NSUN2: variants seen among roughly 807,000 people sequenced by gnomAD.
The protein encoded by NSUN2 is RNA cytosine C(5)-methyltransferase NSUN2.
In NSUN2, 63 loss-of-function variants were observed where a neutral mutation model predicts 92.7. The ratio of observed to expected loss-of-function variants is 0.68; its 90% CI spans 0.56 to 0.84. The LOEUF (loss-of-function observed/expected upper bound fraction) is 0.84. Among genes scored for constraint, NSUN2 ranks in the 40% least tolerant of loss-of-function variants. The pLI is 0.00. For synonymous variants in NSUN2, 356 were observed against 348.3 expected (o/e 1.02, Z -0.25); for missense variants, 989 against 964.9 (o/e 1.02, Z -0.33).
intron 3 of NSUN2, among the ~76,000 whole-genome samples, chr5:6,628,162 A>G (rs1278459223): frequency 6.6e-6 from 1 of 152,184 alleles, no homozygotes; most frequent in Non-Finnish European, 1.5e-5. Context: ...AGCCTGTCCA[A>G]CATGGCAAAA....
At chr5:6,600,534 A>T (rs768296634) in intron 18 of NSUN2, among the ~76,000 whole-genome samples, 3 of 151,936 alleles carry the variant, frequency 2.0e-5, no homozygotes, top group Non-Finnish European at 2.9e-5. Flanking sequence ...TCCTTCTCAA[A>T]CTTAACTTAC....
chr5:6,624,812 AAAATAG>A (rs1737584297), intron 4 of NSUN2, among the ~76,000 whole-genome samples: 1 of 63,480 alleles, frequency 1.6e-5, no homozygotes, highest in Non-Finnish European at 3.8e-5. Flanking sequence ...AGTAGTTTAG[AAAATAG>A]GAAGGACGAA....
intron 3 of NSUN2, among the ~76,000 whole-genome samples, chr5:6,630,086 A>T (rs1392263402): frequency 6.6e-6 from 1 of 152,194 alleles, no homozygotes; most frequent in East Asian, 1.9e-4. Flanking sequence ...AAACGACTTG[A>T]GCAAAGTCTA....
chr5:6,631,081 G>C (rs1010240523), intron 3 of NSUN2, among the ~76,000 whole-genome samples: 1 of 152,214 alleles, frequency 6.6e-6, no homozygotes, highest in African/African-American at 2.4e-5. Flanking sequence ...GCGACAGAGT[G>C]AGACTCCGTC....
intron 7 of NSUN2, among the ~76,000 whole-genome samples, chr5:6,618,566 A>G (rs1737310963): frequency 6.6e-6 from 1 of 152,244 alleles, no homozygotes. Flanking sequence ...CAGTTAATCA[A>G]CAATGGCATT....
chr5:6,605,906 A>C (rs6876067), intron 14 of NSUN2, among the ~76,000 whole-genome samples: 1 of 151,704 alleles, frequency 6.6e-6, no homozygotes, highest in Non-Finnish European at 1.5e-5. Flanking sequence ...CATTGGTCAG[A>C]CTGGTCTCAA....
chr5:6,611,169 A>C, intron 10 of NSUN2, 84 bp from the exon 11 acceptor site: 2 of 1,451,964 alleles, frequency 1.4e-6, no homozygotes, highest in Non-Finnish European at 1.9e-6. Context: ...CCATTCTCTC[A>C]AAGGTGACAA....
intron 3 of NSUN2, among the ~76,000 whole-genome samples, chr5:6,631,222 C>G (rs142471646): frequency 6.6e-6 from 1 of 152,294 alleles, no homozygotes; most frequent in East Asian, 1.9e-4. Flanking sequence ...GAAGGACTGG[C>G]GCCTCCGGAG....
chr5:6,626,548 C>T (rs556870258), intron 3 of NSUN2, among the ~76,000 whole-genome samples: 52 of 152,160 alleles, frequency 3.4e-4, no homozygotes, highest in Non-Finnish European at 5.0e-4. Flanking sequence ...GTGGTTTTGC[C>T]GTGTTGGCCA....
At chr5:6,606,758 G>C in intron 14 of NSUN2, 62 bp downstream of exon 14, 2 of 902,316 alleles carry the variant, frequency 2.2e-6, no homozygotes, top group Non-Finnish European at 3.5e-6. Context: ...GTGATCAGTT[G>C]TACATTTGAT....
intron 7 of NSUN2, among the ~76,000 whole-genome samples, chr5:6,618,921 G>A (rs931146183): frequency 6.6e-6 from 1 of 152,154 alleles, no homozygotes; most frequent in Admixed American, 6.5e-5. Flanking sequence ...AGGTCTGCAG[G>A]ATGGAATTAT....
At chr5:6,625,791 T>C (rs1434853274) in intron 3 of NSUN2, 122 bp from the exon 4 acceptor site, 4 of 690,636 alleles carry the variant, frequency 5.8e-6, no homozygotes, top group Non-Finnish European at 1.0e-5. Context: ...CCTGCTCCTA[T>C]TCACAATCCT....
intron 17 of NSUN2, among the ~76,000 whole-genome samples, chr5:6,602,958 CTACTT>C (rs1466555554): frequency 1.3e-5 from 2 of 152,226 alleles, no homozygotes; most frequent in Non-Finnish European, 2.9e-5. Context: ...ACAAGAATCT[CTACTT>C]TAAATTGTGG....
At position 6,632,614 on chromosome 5, in the gene NSUN2, A is replaced by G. The variant is rs770977438; in HGVS notation, c.239T>C (p.Ile80Thr). 1.9e-6 allele frequency: 3 copies of G among 1,613,960 alleles called. No homozygotes were observed. Among genetic ancestry groups the G allele is most frequent in the Non-Finnish European group, 2.5e-6 (3 of 1,179,956 alleles). Residue 80 changes from isoleucine to threonine, a missense_variant, in exon 2 of 19, where the codon ATT becomes ACT. Transcript: ENST00000264670. Reference protein sequence around the residue: ...LREPLPATLRITGYKSHAKEI... With the variant: ...LREPLPATLRTTGYKSHAKEI... The stretch of plus-strand genomic sequence containing the variant: ...GCCTCCCTACCTTTTGTAACCAGTA[A>G]TTCTTAAAGTGGCCGGGAGCGGCTC...
intron 18 of NSUN2, among the ~76,000 whole-genome samples, chr5:6,601,287 G>A (rs982559458): frequency 6.6e-6 from 1 of 151,882 alleles, no homozygotes; most frequent in Non-Finnish European, 1.5e-5. Flanking sequence ...TTTCTATGTG[G>A]GCCACATGGG....
At chr5:6,621,882 G>A (rs1436622264) in intron 6 of NSUN2, 134 bp downstream of exon 6, 17 of 678,442 alleles carry the variant, frequency 2.5e-5, no homozygotes, top group African/African-American at 7.2e-5. Context: ...TTCTACTTCC[G>A]GTAGACGGAA....
intron 14 of NSUN2, 81 bp from the exon 15 acceptor site, chr5:6,605,489 C>G (rs1163378797): frequency 8.1e-6 from 12 of 1,473,780 alleles, no homozygotes; most frequent in Admixed American, 1.8e-5. Context: ...TTCTCCTCCT[C>G]CAGAATTCAA....
chr5:6,607,021 G>C, intron 13 of NSUN2, 109 bp from the exon 14 acceptor site: 1 of 955,090 alleles, frequency 1.0e-6, no homozygotes, highest in Non-Finnish European at 1.6e-6. Context: ...GGAACGGTTT[G>C]CGGCAGATGT....
chr5:6,622,155 T>C, intron 5 of NSUN2, 55 bp from the exon 6 acceptor site: 1 of 1,389,590 alleles, frequency 7.2e-7, no homozygotes, highest in African/African-American at 1.4e-5. Context: ...ATATTCTACA[T>C]TTAATTTAAA....
Sources: gnomAD v4.1 joint callset for allele counts (sites outside exome capture counted in the v4.1 genomes callset) on GRCh38, gnomAD v4.1.1 for gene constraint, MANE v1.5 for transcripts, NCBI Gene and HGNC (gene_info 2026-07-23, HGNC 2026-07-21) for gene names.